Variants in CACNA1C observed in about 807,000 individuals in gnomAD.
CACNA1C encodes the protein voltage-dependent L-type calcium channel subunit alpha-1C.
A neutral mutation model predicts 229.0 loss-of-function variants in CACNA1C; 30 were observed. The ratio of observed to expected loss-of-function variants is 0.13; its 90% CI spans 0.10 to 0.18. The LOEUF is 0.18. Ranked by LOEUF, CACNA1C falls within the 10% of genes least tolerant of loss-of-function variation. The probability of loss-of-function intolerance (pLI) is 1.00; values close to 1 mark genes in which losing one functional copy is unlikely to be tolerated. For synonymous variants in CACNA1C, 1,114 were observed against 1,132.5 expected (o/e 0.98, Z 0.33); for missense variants, 1,658 against 2,845.0 (o/e 0.58, Z 9.49).
chr12:2,310,352 A>AAAAAAAAAAAAAT (rs201363709), intron 3 of CACNA1C, among the ~76,000 whole-genome samples: 1 of 139,828 alleles, frequency 7.2e-6, no homozygotes, highest in African/African-American at 2.7e-5. Context: ...TAAAAAAAAA[A>AAAAAAAAAAAAAT]ATATATATAT....
chr12:2,625,895 C>T (rs1318165028), intron 29 of CACNA1C, among the ~76,000 whole-genome samples: 1 of 152,114 alleles, frequency 6.6e-6, no homozygotes, highest in Non-Finnish European at 1.5e-5. Flanking sequence ...GAGATGGAGG[C>T]TGCAATGAAA....
intron 3 of CACNA1C, among the ~76,000 whole-genome samples, chr12:2,357,664 T>TAAAA (rs550833961): frequency 0.045 from 5,834 of 129,776 alleles, 153 homozygotes; most frequent in Non-Finnish European, 0.056. Context: ...TTTTTTTCCT[T>TAAAA]AAAAAAAAAA....
chr12:2,258,347 G>A (rs2078768465), intron 3 of CACNA1C, among the ~76,000 whole-genome samples: 1 of 151,950 alleles, frequency 6.6e-6, no homozygotes, highest in East Asian at 1.9e-4. Flanking sequence ...ATTTTACTGT[G>A]TGTTTTTGGT....
In CACNA1C at chr12:2,639,071, C is replaced by A. The variant is rs2093301583; in HGVS notation, c.3912+4691C>A. The stretch of plus-strand genomic sequence containing the variant: ...TCATCTGGGAGATGCCGCTGAACAA[C>A]TGCCAGGTGTCACAAGAGGACCGTC... On this transcript the variant is annotated intron_variant, in intron 30 of 46. Coordinates refer to ENST00000399655, the MANE Select transcript of CACNA1C (RefSeq NM_000719.7). The surrounding 1 kb of genome is among the most constrained non-coding windows in gnomAD (Gnocchi z 4.2). Among the ~76,000 whole-genome samples, 3 of 152,238 alleles carry A rather than the reference C, an allele frequency of 2.0e-5. No individual in the cohort carries two copies. The South Asian group carries it at 6.2e-4, about 32-fold the overall frequency.
At position 2,605,039 on chromosome 12, in the gene CACNA1C, A is replaced by C. The variant is rs1455658647; in HGVS notation, c.2961-42A>C. ...ACCACATTATTTTTGCTCCCCCCAG[A>C]AACAGGAGGAGCTTACTACCCTGCC... On this transcript the variant is annotated intron_variant, in intron 22 of 46. Transcript: ENST00000399655. This position sits in a 1 kb window ranked among gnomAD's most constrained non-coding sequence, Gnocchi z 6.2. 1 of 1,454,592 alleles carries C rather than the reference A, an allele frequency of 6.9e-7. No homozygotes were observed. Among genetic ancestry groups the C allele is most frequent in the Non-Finnish European group, 9.7e-7 (1 of 1,034,842 alleles). 90.1% of individuals were successfully genotyped at this position (1,454,592 alleles called of 1,614,324 possible). A position where few individuals can be genotyped will look rare whatever the true frequency, so the allele number is the denominator to read the frequency against.
intron 4 of CACNA1C, among the ~76,000 whole-genome samples, chr12:2,453,812 T>C (rs1019687559): frequency 2.0e-5 from 3 of 152,194 alleles, no homozygotes; most frequent in Non-Finnish European, 2.9e-5. Context: ...TACTCCACCC[T>C]GCCCAGCAGC....
intron 1 of CACNA1C, 71 bp from the exon 2 acceptor site, chr12:2,115,153 G>T (rs1019833327): frequency 1.7e-6 from 2 of 1,206,844 alleles, no homozygotes; most frequent in Non-Finnish European, 1.1e-6. Flanking sequence ...TGAATCTGGG[G>T]TCCAGAGAGT....
At chr12:2,588,760 C>T (rs574398676) in intron 18 of CACNA1C, among the ~76,000 whole-genome samples, 1 of 152,214 alleles carries the variant, frequency 6.6e-6, no homozygotes, top group East Asian at 1.9e-4. Flanking sequence ...AGCATTGTGC[C>T]CAGATGAGTG....
At chr12:2,357,064 G>C (rs1223235532) in intron 3 of CACNA1C, among the ~76,000 whole-genome samples, 3 of 152,204 alleles carry the variant, frequency 2.0e-5, no homozygotes, top group Non-Finnish European at 4.4e-5. Flanking sequence ...GTGTTTTTAA[G>C]CTATGCTTGC....
chr12:2,182,378 C>T (rs1279256842), intron 3 of CACNA1C, among the ~76,000 whole-genome samples: 3 of 152,130 alleles, frequency 2.0e-5, no homozygotes, highest in Non-Finnish European at 4.4e-5. Context: ...AGGCCCCTCT[C>T]CCAATGCCTT....
chr12:2,509,830 G>C (rs914173268), intron 8 of CACNA1C, among the ~76,000 whole-genome samples: 1 of 152,166 alleles, frequency 6.6e-6, no homozygotes, highest in Non-Finnish European at 1.5e-5. Context: ...GGCCTCAGCG[G>C]GAACATGTAG....
intron 3 of CACNA1C, among the ~76,000 whole-genome samples, chr12:2,321,090 G>A (rs1468165842): frequency 6.6e-6 from 1 of 152,240 alleles, no homozygotes; most frequent in Non-Finnish European, 1.5e-5. Context: ...GTGAGGCACA[G>A]CCTCTTCAGC....
chr12:2,245,716 T>C (rs2072869769), intron 3 of CACNA1C, among the ~76,000 whole-genome samples: 1 of 152,230 alleles, frequency 6.6e-6, no homozygotes, highest in African/African-American at 2.4e-5. Flanking sequence ...TGGCCTTTCC[T>C]GAATTCATCT....
intron 9 of CACNA1C, among the ~76,000 whole-genome samples, chr12:2,540,039 G>A (rs1048991153): frequency 6.6e-6 from 1 of 152,152 alleles, no homozygotes; most frequent in African/African-American, 2.4e-5. Context: ...GTGGCCTTGG[G>A]CAGCAAGAAG....
chr12:2,668,845 G>A (rs970384025), intron 37 of CACNA1C, 88 bp from the exon 38 acceptor site: 7 of 866,648 alleles, frequency 8.1e-6, no homozygotes, highest in Non-Finnish European at 1.4e-5. Flanking sequence ...AGGACACAGA[G>A]CCAAACCATA....
At chr12:2,366,966 A>G (rs1232599873) in intron 3 of CACNA1C, among the ~76,000 whole-genome samples, 21 of 152,198 alleles carry the variant, frequency 1.4e-4, no homozygotes, top group Admixed American at 7.2e-4. Context: ...ACTTACTGTC[A>G]TGAGAACAGT....
rs1324609009 is a variant in CACNA1C, at chr12:2,410,956, T to C, written c.478-38020T>C. Among the ~76,000 whole-genome samples, 1 of 152,004 alleles carries C rather than the reference T, an allele frequency of 6.6e-6. No individual in the cohort carries two copies. Among genetic ancestry groups the C allele is most frequent in the African/African-American group, 2.4e-5 (1 of 41,356 alleles). On this transcript the variant is annotated intron_variant, in intron 3 of 46. Transcript: ENST00000399655. The surrounding 1 kb of genome is among the most constrained non-coding windows in gnomAD (Gnocchi z 5.3). ...CATGGATTTTTCTCTCATCTTTCTC[T>C]CCCTACTCCCCTTGCAGCATGAGAG...
At position 2,665,158 on chromosome 12, in the gene CACNA1C, G is replaced by A. The variant is rs941925343; in HGVS notation, c.4398+168G>A. Among the ~76,000 whole-genome samples the A allele has an allele frequency of 6.6e-6, 1 of 152,252 alleles. No individual in the cohort carries two copies. Among genetic ancestry groups the A allele is most frequent in the African/African-American group, 2.4e-5 (1 of 41,464 alleles). ...AGCCACATGGAGAGAAAGGCAGAAA[G>A]CCCTGGGCCAGAGTGAGCTCCACCA... is the stretch of plus-strand genomic sequence containing the variant. On this transcript the variant is annotated intron_variant, in intron 35 of 46. Coordinates refer to ENST00000399655, the MANE Select transcript of CACNA1C (RefSeq NM_000719.7). This position sits in a 1 kb window ranked among gnomAD's most constrained non-coding sequence, Gnocchi z 5.9.
At chr12:2,555,777 T>A (rs920949015) in intron 10 of CACNA1C, among the ~76,000 whole-genome samples, 2 of 152,316 alleles carry the variant, frequency 1.3e-5, no homozygotes, top group Non-Finnish European at 2.9e-5. Context: ...GCACGATGGC[T>A]TTGCCACCTG....
Sources: gnomAD v4.1 joint callset for allele counts (sites outside exome capture counted in the v4.1 genomes callset) on GRCh38, gnomAD v4.1.1 for gene constraint, Gnocchi (gnomAD v3.1) non-coding constraint, MANE v1.5 for transcripts, NCBI Gene and HGNC (gene_info 2026-07-23, HGNC 2026-07-21) for gene names.